The following CNTN5 variants were observed in gnomAD, a reference collection of about 807,000 sequenced individuals.
CNTN5 encodes the protein contactin-5.
In CNTN5, 77 loss-of-function variants were observed where a neutral mutation model predicts 129.1. The observed-to-expected ratio is 0.60, with a 90% confidence interval of 0.50 to 0.72. The LOEUF is 0.72. CNTN5 is among the 30% of genes least tolerant of loss of function. The probability of loss-of-function intolerance (pLI) is 0.00; values close to 1 mark genes in which losing one functional copy is unlikely to be tolerated. For missense variants in CNTN5, 1,478 were observed against 1,328.8 expected (o/e 1.11, Z -1.75); for synonymous variants, 509 against 465.6 (o/e 1.09, Z -1.20).
rs1478034904 is a variant in CNTN5, at chr11:100,060,638, T to TC, written c.981-574_981-573insC. Among the ~76,000 whole-genome samples the TC allele has an allele frequency of 3.8e-5, 4 of 105,006 alleles. No homozygotes were observed. The East Asian group carries it at 1.5e-3, about 40-fold the overall frequency. The allele number at this position is 105,006 out of a possible 152,430, so 68.9% of individuals were successfully genotyped here. A position where few individuals can be genotyped will look rare whatever the true frequency, so the allele number is the denominator to read the frequency against. On this transcript the variant is annotated intron_variant, in intron 9 of 24. Transcript: ENST00000524871. ...ATTTACAAAAACATAACAATTTTTT[T>TC]TCTTTTTTTTTTTTTTTTAAGATGG... is the stretch of plus-strand genomic sequence containing the variant.
chr11:100,202,784 G>C (rs747486114), intron 15 of CNTN5, among the ~76,000 whole-genome samples: 4 of 151,790 alleles, frequency 2.6e-5, no homozygotes, highest in Non-Finnish European at 5.9e-5. Context: ...TGAGAACACT[G>C]AGCCCCAGGA....
At chr11:99,451,135 C>G (rs574289460) in intron 2 of CNTN5, among the ~76,000 whole-genome samples, 1 of 151,968 alleles carries the variant, frequency 6.6e-6, no homozygotes, top group Admixed American at 6.6e-5. Flanking sequence ...CTCAGTGAGA[C>G]CTGAGATTAT....
chr11:99,082,708 A>G (rs1865855709), intron 1 of CNTN5, among the ~76,000 whole-genome samples: 1 of 152,220 alleles, frequency 6.6e-6, no homozygotes, highest in African/African-American at 2.4e-5. Flanking sequence ...GAAGAAATAT[A>G]TGTGAACTAT....
chr11:100,335,601 C>G (rs970451854), intron 21 of CNTN5, among the ~76,000 whole-genome samples: 1 of 152,076 alleles, frequency 6.6e-6, no homozygotes, highest in African/African-American at 2.4e-5. Flanking sequence ...AACCTCGTCT[C>G]TATTAAAAAT....
At chr11:99,035,387 G>A (rs13377512) in intron 1 of CNTN5, among the ~76,000 whole-genome samples, 1,829 of 152,160 alleles carry the variant, frequency 0.012, 37 homozygotes, top group African/African-American at 0.042. Context: ...GTCTCCCACT[G>A]TTAATGCGTG....
At chr11:99,957,104 C>A in intron 8 of CNTN5, 95 bp downstream of exon 8, 3 of 1,079,080 alleles carry the variant, frequency 2.8e-6, no homozygotes, top group Non-Finnish European at 4.0e-6. Context: ...CTGGAACTTA[C>A]AAATAAAATA....
At chr11:99,735,316 C>T (rs1943669597) in intron 3 of CNTN5, among the ~76,000 whole-genome samples, 1 of 152,144 alleles carries the variant, frequency 6.6e-6, no homozygotes, top group Non-Finnish European at 1.5e-5. Context: ...AGTTTAACTC[C>T]TCTACTTTGA....
intron 21 of CNTN5, among the ~76,000 whole-genome samples, chr11:100,318,242 GAAA>G (rs66824133): frequency 1.3e-5 from 1 of 76,752 alleles, no homozygotes. Flanking sequence ...CTCTGTCTCA[GAAA>G]AAAAAAAAAA....
rs578245395 is a variant in CNTN5, at chr11:99,674,391, G to A, written c.55+118122G>A. Among the ~76,000 whole-genome samples the A allele has an allele frequency of 5.3e-5, 8 of 151,878 alleles. No individual in the cohort carries two copies. The East Asian group carries it at 5.8e-4, about 11-fold the overall frequency. On this transcript the variant is annotated intron_variant, in intron 3 of 24. Coordinates refer to ENST00000524871, the MANE Select transcript of CNTN5 (RefSeq NM_014361.4). ...GAGAAGTTTGCAAAATTTTTCTCCC[G>A]TTATGTAGGTTGCCTGTTCACTCTG... is the stretch of plus-strand genomic sequence containing the variant.
intron 15 of CNTN5, among the ~76,000 whole-genome samples, chr11:100,202,826 G>T (rs1017561617): frequency 6.6e-6 from 1 of 152,028 alleles, no homozygotes; most frequent in Non-Finnish European, 1.5e-5. Flanking sequence ...CCCTAATGAA[G>T]ACCTGAGCAA....
intron 1 of CNTN5, among the ~76,000 whole-genome samples, chr11:99,139,175 GA>G (rs1388869534): frequency 2.0e-5 from 3 of 151,846 alleles, no homozygotes; most frequent in Non-Finnish European, 4.4e-5. Context: ...GCTGAGGTGG[GA>G]GGATTGCTTG....
chr11:99,348,208 A>G (rs2136074700), intron 2 of CNTN5, among the ~76,000 whole-genome samples: 1 of 152,218 alleles, frequency 6.6e-6, no homozygotes, highest in South Asian at 2.1e-4. Context: ...GCGTGGTGGC[A>G]GGCGCCTGTA....
At chr11:99,375,445 A>G (rs1470581324) in intron 2 of CNTN5, among the ~76,000 whole-genome samples, 2 of 152,064 alleles carry the variant, frequency 1.3e-5, no homozygotes, top group East Asian at 3.9e-4. Context: ...ATAACAAGTT[A>G]GAGAGTATAG....
chr11:100,013,274 C>A (rs765647675), intron 9 of CNTN5, among the ~76,000 whole-genome samples: 1 of 152,052 alleles, frequency 6.6e-6, no homozygotes, highest in African/African-American at 2.4e-5. Context: ...ACTAAAAGCC[C>A]AGACTTCACC....
At chr11:99,169,321 C>A (rs1433531979) in intron 1 of CNTN5, among the ~76,000 whole-genome samples, 2 of 151,674 alleles carry the variant, frequency 1.3e-5, no homozygotes, top group Non-Finnish European at 2.9e-5. Context: ...ATTTTATAGT[C>A]ATGACTTGGA....
At chr11:99,592,617 C>A (rs1263767014) in intron 3 of CNTN5, among the ~76,000 whole-genome samples, 1 of 150,654 alleles carries the variant, frequency 6.6e-6, no homozygotes, top group Non-Finnish European at 1.5e-5. Context: ...TCTGTTGAAG[C>A]GTTCAAAAAA....
chr11:99,999,942 A>G (rs1281009480), intron 8 of CNTN5, among the ~76,000 whole-genome samples: 90 of 151,104 alleles, frequency 6.0e-4, no homozygotes, highest in Non-Finnish European at 1.0e-3. Context: ...TCACTCATAG[A>G]TAGGAACTGA....
At position 99,957,126 on chromosome 11, in the gene CNTN5, G is replaced by A. The variant is rs965992934; in HGVS notation, c.877+117G>A. ...TTACAAATAAAATAAAAAGGCATTT[G>A]CCATATTTAGACACTACATTTTTAG... On this transcript the variant is annotated intron_variant, in intron 8 of 24. Coordinates refer to ENST00000524871, the MANE Select transcript of CNTN5 (RefSeq NM_014361.4). 6.7e-6 allele frequency: 6 copies of A among 895,010 alleles called. No homozygotes were observed. In the African/African-American group the frequency reaches 1.0e-4, roughly 15 times the overall value. 55.4% of individuals were successfully genotyped at this position (895,010 alleles called of 1,614,324 possible). A position where few individuals can be genotyped will look rare whatever the true frequency, so the allele number is the denominator to read the frequency against.
chr11:99,680,756 G>T (rs1218440966), intron 3 of CNTN5, among the ~76,000 whole-genome samples: 1 of 151,820 alleles, frequency 6.6e-6, no homozygotes, highest in Non-Finnish European at 1.5e-5. Context: ...AAGAATCACC[G>T]GCTGTAGCTG....
Sources: gnomAD v4.1 joint callset for allele counts (sites outside exome capture counted in the v4.1 genomes callset) on GRCh38, gnomAD v4.1.1 for gene constraint, MANE v1.5 for transcripts, NCBI Gene and HGNC (gene_info 2026-07-23, HGNC 2026-07-21) for gene names.